Variants in SYNE2 observed in about 807,000 individuals in gnomAD.
SYNE2 encodes nesprin-2.
A neutral mutation model predicts 856.3 loss-of-function variants in SYNE2; 431 were observed. The observed-to-expected ratio is 0.50, with a 90% confidence interval of 0.47 to 0.55. The LOEUF is 0.55. Among genes scored for constraint, SYNE2 ranks in the 20% least tolerant of loss-of-function variants. SYNE2 has a pLI of 0.00. For synonymous variants in SYNE2, 2,923 were observed against 2,872.3 expected, an observed-to-expected ratio of 1.02 and a Z score of -0.56; for missense variants, 8,129 against 8,023.2, an observed-to-expected ratio of 1.01 and a Z score of -0.50.
At chr14:63,999,689 G>A (rs556696651) in intron 27 of SYNE2, among the ~76,000 whole-genome samples, 7 of 152,218 alleles carry the variant, frequency 4.6e-5, no homozygotes, top group Non-Finnish European at 1.0e-4. Context: ...AAGATGATCT[G>A]TGCATTGCAG....
intron 1 of SYNE2, among the ~76,000 whole-genome samples, chr14:63,771,713 C>T (rs1356763576): frequency 6.6e-6 from 1 of 151,984 alleles, no homozygotes; most frequent in Non-Finnish European, 1.5e-5. Flanking sequence ...AGCTGGCCAA[C>T]AGGGTGAAAC....
At chr14:64,120,738 G>A (rs1170759716) in intron 67 of SYNE2, among the ~76,000 whole-genome samples, 189 bp from the exon 68 acceptor site, 1 of 152,012 alleles carries the variant, frequency 6.6e-6, no homozygotes, top group Admixed American at 6.6e-5. Context: ...ACTCCAGCCT[G>A]GGCAACAAGT....
chr14:63,942,241 T>C (rs1398775891), intron 6 of SYNE2, 98 bp downstream of exon 6: 8 of 780,318 alleles, frequency 1.0e-5, no homozygotes, highest in Non-Finnish European at 1.8e-5. Context: ...AGTCCTGAGC[T>C]TCTCCTATAA....
chr14:64,209,053 C>A, intron 101 of SYNE2, 108 bp downstream of exon 101: 1 of 1,392,518 alleles, frequency 7.2e-7, no homozygotes, highest in Non-Finnish European at 9.9e-7. Flanking sequence ...TAGAAATGCG[C>A]CAGGTATTGG....
intron 23 of SYNE2, among the ~76,000 whole-genome samples, chr14:63,996,036 A>G (rs997490586): frequency 6.6e-6 from 1 of 152,060 alleles, no homozygotes; most frequent in African/African-American, 2.4e-5. Flanking sequence ...TCTATGTTCT[A>G]TTTCTCACTG....
chr14:63,953,716 GAAACTGTACCTGTT>G (rs922485119), intron 7 of SYNE2, among the ~76,000 whole-genome samples: 8 of 152,000 alleles, frequency 5.3e-5, no homozygotes, highest in Non-Finnish European at 1.2e-4. Context: ...TTCCTTTTGC[GAAACTGTACCTGTT>G]AAACTAGAAC....
chr14:63,810,453 T>A (rs923170130), intron 1 of SYNE2, among the ~76,000 whole-genome samples: 2 of 152,144 alleles, frequency 1.3e-5, no homozygotes, highest in African/African-American at 4.8e-5. Flanking sequence ...TCTTCAAAGA[T>A]AATTTATGAA....
In SYNE2 at chr14:63,906,664, T is replaced by G. The variant is rs577897748; in HGVS notation, c.-51-2434T>G. On this transcript the variant is annotated intron_variant, in intron 1 of 115. Coordinates refer to ENST00000555002, the MANE Select transcript of SYNE2 (RefSeq NM_182914.3). ...CTGTAATATCTTTGTCATTTCTGAT[T>G]ATACTGATTTGGATCTTCTCAGAGA... is the stretch of plus-strand genomic sequence containing the variant. Among the ~76,000 whole-genome samples, 18 of 152,294 alleles carry G rather than the reference T, an allele frequency of 1.2e-4. No homozygotes were observed. The South Asian group carries it at 2.5e-3, about 21-fold the overall frequency.
At position 63,967,820 on chromosome 14, in the gene SYNE2, G is replaced by A. The variant is rs2096415309; in HGVS notation, c.1102G>A (p.Glu368Lys). ...ELDKDHLQLR[E>K]AWDGLDHQIN... ...GGACAAGGATCATTTACAGTTGAGA[G>A]AAGCCTGGGATGGCCTCGATCACCA... Residue 368 changes from glutamate to lysine, a missense_variant, in exon 11 of 116, where the codon GAA becomes AAA. Coordinates refer to ENST00000555002, the MANE Select transcript of SYNE2 (RefSeq NM_182914.3). 2.5e-6 allele frequency: 4 copies of A among 1,614,116 alleles called. No homozygotes were observed. Among genetic ancestry groups the A allele is most frequent in the Non-Finnish European group, 3.4e-6 (4 of 1,179,986 alleles).
At chr14:63,911,455 G>A (rs2095472707) in intron 2 of SYNE2, among the ~76,000 whole-genome samples, 1 of 152,142 alleles carries the variant, frequency 6.6e-6, no homozygotes, top group Non-Finnish European at 1.5e-5. Flanking sequence ...TATGTAGCAT[G>A]CTGTAACTTA....
intron 90 of SYNE2, 143 bp from the exon 91 acceptor site, chr14:64,167,090 C>T: frequency 9.9e-7 from 1 of 1,005,140 alleles, no homozygotes; most frequent in Non-Finnish European, 1.5e-6. Flanking sequence ...CCCACTCTAA[C>T]ATTAGCAAGC....
chr14:63,950,103 T>G, intron 7 of SYNE2, 97 bp downstream of exon 7: 2 of 1,276,624 alleles, frequency 1.6e-6, no homozygotes, highest in South Asian at 1.2e-5. Flanking sequence ...AACATGAAAA[T>G]TCTCACTATC....
chr14:64,140,921 G>A (rs1040437840), intron 80 of SYNE2, among the ~76,000 whole-genome samples: 7 of 150,676 alleles, frequency 4.6e-5, no homozygotes, highest in African/African-American at 1.2e-4. Context: ...TTCATACTTC[G>A]TAGCTATGAT....
intron 105 of SYNE2, 42 bp from the exon 106 acceptor site, chr14:64,214,152 C>T (rs573225380): frequency 1.2e-6 from 2 of 1,614,144 alleles, no homozygotes; most frequent in East Asian, 2.2e-5. Context: ...TTGCAGAAGC[C>T]TATGAGTTGA....
At chr14:64,171,409 ATAAT>A (rs79737568) in intron 94 of SYNE2, among the ~76,000 whole-genome samples, 3,440 of 152,360 alleles carry the variant, frequency 0.023, 44 homozygotes, top group African/African-American at 0.038. Context: ...GTAAACCAGA[ATAAT>A]TAATCAGATA....
intron 2 of SYNE2, among the ~76,000 whole-genome samples, chr14:63,918,475 A>C (rs1297249455): frequency 6.6e-6 from 1 of 152,214 alleles, no homozygotes; most frequent in South Asian, 2.1e-4. Flanking sequence ...AATCATTTAA[A>C]AGTGGCGGAT....
At chr14:64,225,287 C>T (rs1007378077) in intron 115 of SYNE2, 32 bp from the exon 116 acceptor site, 1 of 1,613,980 alleles carries the variant, frequency 6.2e-7, no homozygotes, top group African/African-American at 1.3e-5. Context: ...TGTGGAGCCT[C>T]CCAATCAGCT....
Position 64,218,305 on chromosome 14 carries a change from T to C in SYNE2, c.19543-93T>C. On this transcript the variant is annotated intron_variant, in intron 108 of 115. Coordinates refer to ENST00000555002, the MANE Select transcript of SYNE2 (RefSeq NM_182914.3). Reference sequence around the variant, plus strand: ...ACCCTTCAAAGGAAAGGGGCCCATCTCATTTCTTCACTGTTAATATGAAAT... The same window carrying C: ...ACCCTTCAAAGGAAAGGGGCCCATCCCATTTCTTCACTGTTAATATGAAAT... The C allele has an allele frequency of 2.6e-6, 3 of 1,158,342 alleles. No homozygotes were observed. The South Asian group carries it at 3.9e-5, about 15-fold the overall frequency. 71.8% of individuals were successfully genotyped at this position (1,158,342 alleles called of 1,614,324 possible). A position where few individuals can be genotyped will look rare whatever the true frequency, so the allele number is the denominator to read the frequency against.
At chr14:64,141,180 G>T (rs573184225) in intron 80 of SYNE2, among the ~76,000 whole-genome samples, 161 bp from the exon 81 acceptor site, 1 of 151,962 alleles carries the variant, frequency 6.6e-6, no homozygotes, top group Non-Finnish European at 1.5e-5. Flanking sequence ...TCCCCATCGT[G>T]TATGTAATGC....
Sources: allele counts gnomAD v4.1 joint callset (sites outside exome capture counted in the v4.1 genomes callset), GRCh38; gene constraint gnomAD v4.1.1; transcripts MANE v1.5; gene names NCBI Gene and HGNC (gene_info 2026-07-23, HGNC 2026-07-21).